The following POMGNT2 variants were observed in gnomAD, a reference collection of about 807,000 sequenced individuals.
POMGNT2 encodes protein O-linked-mannose beta-1,4-N-acetylglucosaminyltransferase 2.
In POMGNT2, 32 loss-of-function variants were observed where a neutral mutation model predicts 37.8. The ratio of observed to expected loss-of-function variants is 0.85; its 90% CI spans 0.64 to 1.14. The LOEUF is 1.14. POMGNT2 is among the 50% of genes most tolerant of loss of function. The pLI is 0.00. For synonymous variants in POMGNT2, 340 were observed against 336.8 expected (o/e 1.01, Z -0.10); for missense variants, 705 against 780.6 (o/e 0.90, Z 1.15).
intron 1 of POMGNT2, among the ~76,000 whole-genome samples, chr3:43,091,022 A>G (rs1284174417): frequency 6.6e-6 from 1 of 152,240 alleles, no homozygotes; most frequent in Non-Finnish European, 1.5e-5. Context: ...GTATCTAGTG[A>G]TAACTGTCAT....
Position 43,080,820 on chromosome 3 carries a change from G to T in POMGNT2, c.612C>A (p.Asp204Glu). 1 of 1,614,040 alleles carries T rather than the reference G, an allele frequency of 6.2e-7. No homozygotes were observed. The highest frequency in any genetic ancestry group is 8.5e-7 in the Non-Finnish European group (1 of 1,179,992). The stretch of plus-strand genomic sequence containing the variant: ...GCTTGGGGCTGAGCAGCTTGTAGAG[G>T]TCGAAGTGTGCACCCTCGCCCCAGC... The part of the protein sequence containing the change: ...MEGWGEGAHF[D>E]LYKLLSPKQP... Residue 204 changes from aspartate (D) to glutamate (E), a missense_variant, in exon 2 of 2, where the codon GAC becomes GAA. By Grantham distance (45) the Asp-to-Glu change is conservative. Transcript: ENST00000344697.
chr3:43,097,351 C>T (rs975701246), intron 1 of POMGNT2, among the ~76,000 whole-genome samples: 1 of 152,084 alleles, frequency 6.6e-6, no homozygotes, highest in Non-Finnish European at 1.5e-5. Context: ...TCTGCTTGGG[C>T]TCCCATAACA....
chr3:43,094,928 T>C (rs1262962534), intron 1 of POMGNT2, among the ~76,000 whole-genome samples: 3 of 152,224 alleles, frequency 2.0e-5, no homozygotes, highest in South Asian at 4.1e-4. Context: ...AGCCCACTTC[T>C]GAGCAGTCAT....
chr3:43,097,680 G>A (rs1211858341), intron 1 of POMGNT2, among the ~76,000 whole-genome samples: 3 of 151,852 alleles, frequency 2.0e-5, no homozygotes, highest in Non-Finnish European at 4.4e-5. Flanking sequence ...TCACAGGGGG[G>A]TTAGATCTTC....
chr3:43,095,488 G>C (rs979286077), intron 1 of POMGNT2, among the ~76,000 whole-genome samples: 2 of 151,874 alleles, frequency 1.3e-5, no homozygotes, highest in African/African-American at 4.8e-5. Flanking sequence ...CTTGGGCAAG[G>C]ACATGACAGG....
At chr3:43,104,031 T>C (rs1206599057) in intron 1 of POMGNT2, among the ~76,000 whole-genome samples, 2 of 152,244 alleles carry the variant, frequency 1.3e-5, no homozygotes, top group African/African-American at 4.8e-5. Context: ...CTAACTGTTT[T>C]ACACGCATTA....
chr3:43,095,015 C>T (rs2089969744), intron 1 of POMGNT2, among the ~76,000 whole-genome samples: 1 of 152,208 alleles, frequency 6.6e-6, no homozygotes, highest in South Asian at 2.1e-4. Context: ...CAGTGCTATG[C>T]TAGGTCCCTC....
At chr3:43,095,942 G>A (rs906942456) in intron 1 of POMGNT2, among the ~76,000 whole-genome samples, 16 of 152,174 alleles carry the variant, frequency 1.1e-4, no homozygotes, top group Admixed American at 9.8e-4. Flanking sequence ...GAATGCCACT[G>A]GCTGACCAGC....
intron 1 of POMGNT2, among the ~76,000 whole-genome samples, chr3:43,094,343 T>G (rs2089964253): frequency 6.6e-6 from 1 of 152,134 alleles, no homozygotes; most frequent in Admixed American, 6.5e-5. Flanking sequence ...AGGAGGAAAA[T>G]TCACAATGTT....
At chr3:43,105,784 T>G (rs896526328) in intron 1 of POMGNT2, 52 bp downstream of exon 1, 1 of 151,920 alleles carries the variant, frequency 6.6e-6, no homozygotes, top group Non-Finnish European at 1.5e-5. Context: ...CCACTTCAAG[T>G]CCCAGGCGGG....
chr3:43,087,131 C>T (rs2089903768), intron 1 of POMGNT2, among the ~76,000 whole-genome samples: 1 of 152,192 alleles, frequency 6.6e-6, no homozygotes, highest in African/African-American at 2.4e-5. Context: ...GGATTCTCCC[C>T]TAGAGCCTTC....
At chr3:43,102,857 T>G (rs2090029546) in intron 1 of POMGNT2, among the ~76,000 whole-genome samples, 1 of 152,064 alleles carries the variant, frequency 6.6e-6, no homozygotes, top group South Asian at 2.1e-4. Context: ...TGTAGAGCAG[T>G]GAGTTTTTAT....
Position 43,080,571 on chromosome 3 carries a change from C to T in POMGNT2, c.861G>A (p.Glu287=), listed in dbSNP as rs187003222. ...VSHTGVPLGE[E]YILVFSRTQN... ...GGGTTCGGCTAAAGACCAGAATGTA[C>T]TCCTCGCCTAGGGGGACTCCTGTGT... is the stretch of plus-strand genomic sequence containing the variant. Residue 287 remains glutamate, a synonymous_variant, in exon 2 of 2, where the codon GAG becomes GAA. Coordinates refer to ENST00000344697, the MANE Select transcript of POMGNT2 (RefSeq NM_032806.6). 4.7e-5 allele frequency: 76 copies of T among 1,614,238 alleles called. No individual in the cohort carries two copies. In the East Asian group the frequency reaches 1.7e-3, roughly 35 times the overall value.
intron 1 of POMGNT2, among the ~76,000 whole-genome samples, chr3:43,104,344 G>A (rs1406534550): frequency 2.0e-5 from 3 of 152,202 alleles, no homozygotes; most frequent in African/African-American, 7.2e-5. Flanking sequence ...TGGGGGATTT[G>A]GTAATCTAAT....
chr3:43,082,349 CT>C (rs1323868168), intron 1 of POMGNT2, among the ~76,000 whole-genome samples: 5 of 152,194 alleles, frequency 3.3e-5, no homozygotes, highest in Non-Finnish European at 5.9e-5. Context: ...CTTAAAGCTC[CT>C]TTAGAAATCA....
chr3:43,089,189 G>A (rs191117104), intron 1 of POMGNT2, among the ~76,000 whole-genome samples: 2 of 152,352 alleles, frequency 1.3e-5, no homozygotes, highest in Admixed American at 1.3e-4. Context: ...GGCCACCAAA[G>A]TGTCACAGCA....
chr3:43,101,876 C>T (rs2090021893), intron 1 of POMGNT2, among the ~76,000 whole-genome samples: 1 of 152,130 alleles, frequency 6.6e-6, no homozygotes, highest in African/African-American at 2.4e-5. Context: ...TTGCCCCAAC[C>T]CATTCCTTCC....
rs758493413 is a variant in POMGNT2 at position 43,079,930 on chromosome 3, C to T, written c.1502G>A (p.Arg501His). 10 of 1,613,868 alleles carry T rather than the reference C, an allele frequency of 6.2e-6. No homozygotes were observed. The highest frequency in any genetic ancestry group is 3.3e-5 in the South Asian group (3 of 91,062). The change falls in exon 2 of 2, where the codon CGC (arginine) becomes CAC (histidine). Residue 501 changes from arginine to histidine, a missense_variant. Physicochemically the swap from Arg to His is conservative, Grantham distance 29. Transcript: ENST00000344697. Reference protein sequence around the residue: ...QASVHGASEARLTVSWQIPWN... With the variant: ...QASVHGASEAHLTVSWQIPWN... ...TGGGATCTGCCAGGAGACAGTGAGG[C>T]GGGCCTCGGAGGCGCCATGCACTGA...
At position 43,081,135 on chromosome 3, in the gene POMGNT2, G is replaced by T; in HGVS notation, c.297C>A (p.Asn99Lys). ...EAEEFIFFHGNTSVMLPNLGS... is the reference protein window; with the variant it reads ...EAEEFIFFHGKTSVMLPNLGS... ...CCAGGTTGGGCAGCATGACAGAGGT[G>T]TTGCCATGGAAGAAGATGAACTCCT... Residue 99 changes from asparagine (N) to lysine (K), a missense_variant, in exon 2 of 2, where the codon AAC becomes AAA. Coordinates refer to ENST00000344697, the MANE Select transcript of POMGNT2 (RefSeq NM_032806.6). 1.9e-6 allele frequency: 3 copies of T among 1,614,222 alleles called. No individual in the cohort carries two copies. Among genetic ancestry groups the T allele is most frequent in the Non-Finnish European group, 2.5e-6 (3 of 1,180,040 alleles).
Sources: gnomAD v4.1 joint callset for allele counts (sites outside exome capture counted in the v4.1 genomes callset) on GRCh38, gnomAD v4.1.1 for gene constraint, MANE v1.5 for transcripts, NCBI Gene and HGNC (gene_info 2026-07-23, HGNC 2026-07-21) for gene names.